The following MYO18B variants were observed in gnomAD, a reference collection of about 807,000 sequenced individuals.
MYO18B encodes the protein unconventional myosin-XVIIIb.
Under a neutral mutation model 273.0 loss-of-function variants are expected in MYO18B, and 204 were observed. That is an observed-to-expected ratio of 0.75 (90% CI 0.67 to 0.84). The LOEUF (loss-of-function observed/expected upper bound fraction) is 0.84. MYO18B is among the 40% of genes least tolerant of loss of function. The pLI, the probability that MYO18B is intolerant of heterozygous loss-of-function variation, is 0.00. For synonymous variants in MYO18B, 1,330 were observed against 1,305.7 expected (o/e 1.02, Z -0.40); for missense variants, 3,212 against 3,287.6 (o/e 0.98, Z 0.56).
At chr22:25,879,729 T>C (rs2088419308) in intron 25 of MYO18B, among the ~76,000 whole-genome samples, 1 of 152,142 alleles carries the variant, frequency 6.6e-6, no homozygotes, top group South Asian at 2.1e-4. Flanking sequence ...CTGAACTGGG[T>C]AATTTATAAA....
At chr22:26,049,244 C>T in the MYO18B span, among the ~76,000 whole-genome samples, 2 of 152,204 alleles carry the variant, frequency 1.3e-5, no homozygotes, top group Non-Finnish European at 2.9e-5. Context: ...CAATGGAAAA[C>T]AGAAACCATC....
At chr22:25,874,982 C>T (rs541652538) in intron 23 of MYO18B, among the ~76,000 whole-genome samples, 1 of 152,370 alleles carries the variant, frequency 6.6e-6, no homozygotes, top group African/African-American at 2.4e-5. Flanking sequence ...GCTCAATAAA[C>T]TCTAGCTGCT....
intron 29 of MYO18B, chr22:25,899,323 C>G (rs935119685): frequency 1.4e-4 from 21 of 152,144 alleles, no homozygotes; most frequent in African/African-American, 3.9e-4. Context: ...TACAGGGGTC[C>G]TGTTTTGAGC....
chr22:25,764,225 C>T (rs2086426488), intron 3 of MYO18B, among the ~76,000 whole-genome samples: 2 of 152,186 alleles, frequency 1.3e-5, no homozygotes, highest in Admixed American at 1.3e-4. Flanking sequence ...CAATGTGGCC[C>T]TTACACTTTA....
At position 25,952,375 on chromosome 22, in the gene MYO18B, C is replaced by T; in HGVS notation, c.5922C>T (p.Asp1974=). The T allele has an allele frequency of 6.2e-7, 1 of 1,612,888 alleles. No individual in the cohort carries two copies. ...IVSRQEAVIC[D]LENKTEFQKV... ...GCAGGCAGGAGGCGGTCATCTGTGA[C>T]CTAGAGAACAAGACAGAGTTCCAGA... Residue 1974 remains aspartate, a synonymous_variant, in exon 38 of 44, where the codon GAC becomes GAT. Coordinates refer to ENST00000335473, the MANE Select transcript of MYO18B (RefSeq NM_032608.7).
chr22:25,891,247 T>G, intron 26 of MYO18B, 57 bp from the exon 27 acceptor site: 10 of 1,285,008 alleles, frequency 7.8e-6, no homozygotes, highest in Non-Finnish European at 1.1e-5. Context: ...ATGGGTAAGA[T>G]GACCAGCCCA....
rs192919456 is a variant in MYO18B at position 25,977,453 on chromosome 22, T to C, written c.6157-14910T>C. ...TAATGTGCCCCAGGGGGTTGTCACATTGGGAGTAGTGGTTGTATCTCATTC... is the reference window on the plus strand; with the variant it reads ...TAATGTGCCCCAGGGGGTTGTCACACTGGGAGTAGTGGTTGTATCTCATTC... On this transcript the variant is annotated intron_variant, in intron 39 of 43. Coordinates refer to ENST00000335473, the MANE Select transcript of MYO18B (RefSeq NM_032608.7). Among the ~76,000 whole-genome samples, 21 of 152,226 alleles carry C rather than the reference T, an allele frequency of 1.4e-4. No individual in the cohort carries two copies. In the East Asian group the frequency reaches 3.3e-3, roughly 24 times the overall value.
At chr22:25,876,466 C>A in intron 24 of MYO18B, 134 bp downstream of exon 24, 1 of 956,108 alleles carries the variant, frequency 1.0e-6, no homozygotes, top group Non-Finnish European at 1.5e-6. Flanking sequence ...AGCCTTGATG[C>A]CCCTTCCAGA....
intron 1 of MYO18B, among the ~76,000 whole-genome samples, chr22:25,757,626 A>G (rs1414006943): frequency 6.6e-6 from 1 of 151,658 alleles, no homozygotes; most frequent in African/African-American, 2.4e-5. Flanking sequence ...ACTGCTGGTC[A>G]GTGGTTACTC....
At chr22:25,908,697 T>C (rs903859038) in intron 32 of MYO18B, among the ~76,000 whole-genome samples, 1 of 152,220 alleles carries the variant, frequency 6.6e-6, no homozygotes, top group African/African-American at 2.4e-5. Flanking sequence ...CGTAATGCCA[T>C]GTGACTGATG....
chr22:25,912,955 A>T (rs563427290), intron 33 of MYO18B, among the ~76,000 whole-genome samples: 1 of 152,138 alleles, frequency 6.6e-6, no homozygotes, highest in Non-Finnish European at 1.5e-5. Context: ...TAATTAATTC[A>T]TTTCATTTCT....
intron 42 of MYO18B, among the ~76,000 whole-genome samples, chr22:26,024,435 G>A (rs940238694): frequency 1.3e-5 from 2 of 152,158 alleles, no homozygotes; most frequent in South Asian, 4.1e-4. Context: ...GGAGACCAGC[G>A]TCCTGGAGCA....
At chr22:26,045,263 C>A in the MYO18B span, among the ~76,000 whole-genome samples, 1 of 151,988 alleles carries the variant, frequency 6.6e-6, no homozygotes, top group African/African-American at 2.4e-5. Context: ...GATATCCTAG[C>A]CAAGGCCATT....
chr22:25,785,618 T>A, intron 11 of MYO18B, 127 bp downstream of exon 11: 3 of 958,964 alleles, frequency 3.1e-6, no homozygotes, highest in African/African-American at 1.6e-5. Flanking sequence ...GTTGGTCATG[T>A]GGAAGAGTTG....
chr22:25,771,853 G>A (rs1440819535), intron 6 of MYO18B, among the ~76,000 whole-genome samples: 1 of 152,214 alleles, frequency 6.6e-6, no homozygotes, highest in Non-Finnish European at 1.5e-5. Flanking sequence ...GGTTTCCTAG[G>A]AATCAATGCA....
At chr22:25,929,014 T>C (rs192160774) in intron 34 of MYO18B, among the ~76,000 whole-genome samples, 83 of 152,082 alleles carry the variant, frequency 5.5e-4, no homozygotes, top group Non-Finnish European at 7.2e-4. Flanking sequence ...ATACAAAAAT[T>C]AGCTGGGCAT....
Position 25,769,438 on chromosome 22 carries a change from C to T in MYO18B, c.1512+10C>T, listed in dbSNP as rs2086634515. The T allele has an allele frequency of 6.6e-7, 1 of 1,508,476 alleles. No individual in the cohort carries two copies. The highest frequency in any genetic ancestry group is 8.9e-7 in the Non-Finnish European group (1 of 1,128,256). 93.4% of individuals were successfully genotyped at this position (1,508,476 alleles called of 1,614,324 possible). A position where few individuals can be genotyped will look rare whatever the true frequency, so the allele number is the denominator to read the frequency against. On this transcript the variant is annotated intron_variant, in intron 4 of 43. Transcript: ENST00000335473. ...CAGAGACTCAGACCAGGTGAGGGGG[C>T]TGCGGCCCTGGGAGCGGGAAGCGGC...
the MYO18B span, among the ~76,000 whole-genome samples, chr22:26,062,701 G>A: frequency 6.6e-6 from 1 of 152,162 alleles, no homozygotes; most frequent in African/African-American, 2.4e-5. Flanking sequence ...AATAGATGGA[G>A]AAAACACAGC....
chr22:25,957,220 A>T (rs2092863708), intron 39 of MYO18B, among the ~76,000 whole-genome samples: 1 of 152,110 alleles, frequency 6.6e-6, no homozygotes, highest in South Asian at 2.1e-4. Context: ...GTCCAGATCA[A>T]ATAGTGATTT....
Sources: allele counts gnomAD v4.1 joint callset (sites outside exome capture counted in the v4.1 genomes callset), GRCh38; gene constraint gnomAD v4.1.1; transcripts MANE v1.5; gene names NCBI Gene and HGNC (gene_info 2026-07-23, HGNC 2026-07-21).